The following DPP10 variants were observed in gnomAD, a reference collection of about 807,000 sequenced individuals.
DPP10 encodes dipeptidyl peptidase like 10, also known as inactive dipeptidyl peptidase 10.
Under a neutral mutation model 120.9 loss-of-function variants are expected in DPP10, and 33 were observed. The ratio of observed to expected loss-of-function variants is 0.27; its 90% CI spans 0.21 to 0.37. The LOEUF (loss-of-function observed/expected upper bound fraction) is 0.37. Ranked by LOEUF, DPP10 falls within the 10% of genes least tolerant of loss-of-function variation. The pLI is 1.00. For missense variants in DPP10, 816 were observed against 942.8 expected (o/e 0.87, Z 1.76); for synonymous variants, 337 against 326.1 (o/e 1.03, Z -0.36).
chr2:115,779,104 A>G (rs559935795), intron 15 of DPP10, among the ~76,000 whole-genome samples: 1 of 152,128 alleles, frequency 6.6e-6, no homozygotes. Context: ...GCATCAGAAG[A>G]TTAGACTTGG....
intron 4 of DPP10, among the ~76,000 whole-genome samples, chr2:115,504,049 T>C (rs2076820222): frequency 3.3e-5 from 5 of 152,126 alleles, no homozygotes; most frequent in Admixed American, 3.3e-4. Flanking sequence ...TATTAAACTG[T>C]GGCTTCCAGG....
At position 115,697,970 on chromosome 2, in the gene DPP10, G is replaced by A. The variant is rs2091686326; in HGVS notation, c.576+8049G>A. Reference sequence around the variant, plus strand: ...CACTCCAGCTTGGGCGAGAGAGCGAGACTCCATCTTAAAACAAATAAATAA... The same window carrying A: ...CACTCCAGCTTGGGCGAGAGAGCGAAACTCCATCTTAAAACAAATAAATAA... On this transcript the variant is annotated intron_variant, in intron 7 of 25. Coordinates refer to ENST00000410059, the MANE Select transcript of DPP10 (RefSeq NM_020868.6). Among the ~76,000 whole-genome samples, 2 of 152,140 alleles carry A rather than the reference G, an allele frequency of 1.3e-5. 1 individual carries two copies. The highest frequency in any genetic ancestry group is 4.1e-4 in the South Asian group (2 of 4,828).
chr2:114,602,760 G>T (rs567106132), intron 1 of DPP10, among the ~76,000 whole-genome samples: 1 of 151,998 alleles, frequency 6.6e-6, no homozygotes, highest in African/African-American at 2.4e-5. Context: ...ATAAAGTGAT[G>T]TCATAAGTCC....
At chr2:115,296,275 G>T (rs777127363) in intron 1 of DPP10, among the ~76,000 whole-genome samples, 3 of 152,038 alleles carry the variant, frequency 2.0e-5, no homozygotes, top group Non-Finnish European at 2.9e-5. Flanking sequence ...GGCCTCTAAA[G>T]GTCGGTGGTG....
chr2:114,576,928 A>C (rs1690100374), intron 1 of DPP10, among the ~76,000 whole-genome samples: 1 of 151,900 alleles, frequency 6.6e-6, no homozygotes, highest in Non-Finnish European at 1.5e-5. Context: ...AAGAAATTTC[A>C]CTTGTTTTAG....
chr2:114,777,038 A>G (rs929464747), intron 1 of DPP10, among the ~76,000 whole-genome samples: 1 of 152,176 alleles, frequency 6.6e-6, no homozygotes. Context: ...TAATATATAC[A>G]TTATATAGTG....
At chr2:115,122,137 C>T (rs1202534711) in intron 1 of DPP10, among the ~76,000 whole-genome samples, 1 of 152,176 alleles carries the variant, frequency 6.6e-6, no homozygotes, top group South Asian at 2.1e-4. Context: ...CCCCATTCAT[C>T]CTAGGGGTTC....
intron 3 of DPP10, among the ~76,000 whole-genome samples, chr2:115,496,246 C>CA (rs2076390313): frequency 1.3e-5 from 2 of 151,776 alleles, no homozygotes; most frequent in Non-Finnish European, 2.9e-5. Context: ...ATAATTCATG[C>CA]AAAAATCTTT....
chr2:114,601,307 T>C (rs1692347913), intron 1 of DPP10, among the ~76,000 whole-genome samples: 1 of 151,942 alleles, frequency 6.6e-6, no homozygotes, highest in African/African-American at 2.4e-5. Flanking sequence ...AACCTTTGCT[T>C]TCTGATTCTA....
At chr2:115,674,843 G>A (rs551815839) in intron 5 of DPP10, among the ~76,000 whole-genome samples, 13 of 152,240 alleles carry the variant, frequency 8.5e-5, no homozygotes, top group Admixed American at 1.3e-4. Flanking sequence ...ACTTTCTTCC[G>A]ATATTAATGT....
chr2:115,677,657 C>CA (rs2090364502), intron 5 of DPP10, among the ~76,000 whole-genome samples: 2 of 151,802 alleles, frequency 1.3e-5, no homozygotes, highest in South Asian at 2.1e-4. Context: ...CTTTAAGTAA[C>CA]AAAAAAAGAA....
chr2:114,725,318 G>A (rs1331360096), intron 1 of DPP10, among the ~76,000 whole-genome samples: 1 of 152,056 alleles, frequency 6.6e-6, no homozygotes, highest in Non-Finnish European at 1.5e-5. Context: ...TTCCAATTTT[G>A]AGTCTGATAT....
chr2:114,554,274 AG>A (rs1688112485), intron 1 of DPP10, among the ~76,000 whole-genome samples: 1 of 152,180 alleles, frequency 6.6e-6, no homozygotes, highest in South Asian at 2.1e-4. Flanking sequence ...ACATCCACTG[AG>A]GACTGAATAG....
intron 1 of DPP10, among the ~76,000 whole-genome samples, chr2:115,201,503 T>G (rs752262513): frequency 2.0e-5 from 3 of 152,004 alleles, no homozygotes; most frequent in Non-Finnish European, 4.4e-5. Flanking sequence ...ATAGAACCAT[T>G]TGGTGATTCC....
chr2:115,611,664 G>A (rs1391387584), intron 5 of DPP10, among the ~76,000 whole-genome samples: 4 of 152,062 alleles, frequency 2.6e-5, no homozygotes, highest in South Asian at 2.1e-4. Context: ...TTTTAGAATC[G>A]AACTTTGAAG....
intron 1 of DPP10, among the ~76,000 whole-genome samples, chr2:114,972,264 G>A (rs1699448851): frequency 6.6e-6 from 1 of 152,082 alleles, no homozygotes; most frequent in Non-Finnish European, 1.5e-5. Context: ...TTGAAGTTAG[G>A]GAAACAACTG....
chr2:115,094,995 A>G (rs1229979887), intron 1 of DPP10, among the ~76,000 whole-genome samples: 1 of 152,192 alleles, frequency 6.6e-6, no homozygotes, highest in African/African-American at 2.4e-5. Flanking sequence ...CCTTCCCTGA[A>G]ACAGATTTTT....
intron 1 of DPP10, among the ~76,000 whole-genome samples, chr2:115,133,178 G>GTTT (rs547453162): frequency 1.1e-4 from 7 of 61,650 alleles, no homozygotes; most frequent in African/African-American, 2.9e-4. Context: ...TATATATATA[G>GTTT]TTTTTTTTTT....
At chr2:114,829,071 G>A (rs1159091132) in intron 1 of DPP10, among the ~76,000 whole-genome samples, 1 of 152,048 alleles carries the variant, frequency 6.6e-6, no homozygotes, top group African/African-American at 2.4e-5. Flanking sequence ...AGTGGATCAC[G>A]AGGTCAGGAG....
Sources: gnomAD v4.1 joint callset for allele counts (sites outside exome capture counted in the v4.1 genomes callset) on GRCh38, gnomAD v4.1.1 for gene constraint, MANE v1.5 for transcripts, NCBI Gene and HGNC (gene_info 2026-07-23, HGNC 2026-07-21) for gene names.